CYFIP1: variants seen among roughly 807,000 people sequenced by gnomAD.
The protein encoded by CYFIP1 is cytoplasmic FMR1-interacting protein 1.
Under a neutral mutation model 163.5 loss-of-function variants are expected in CYFIP1, and 58 were observed. The ratio of observed to expected loss-of-function variants is 0.35; its 90% CI spans 0.29 to 0.44. The LOEUF (loss-of-function observed/expected upper bound fraction) is 0.44. CYFIP1 is among the 20% of genes least tolerant of loss of function. The probability of loss-of-function intolerance (pLI) is 1.00; values close to 1 mark genes in which losing one functional copy is unlikely to be tolerated. For missense variants in CYFIP1, 1,338 were observed against 1,653.8 expected (o/e 0.81, Z 3.31); for synonymous variants, 663 against 660.7 (o/e 1.00, Z -0.05).
At chr15:22,893,867 A>C (rs1032541033) in intron 22 of CYFIP1, among the ~76,000 whole-genome samples, 5 of 152,142 alleles carry the variant, frequency 3.3e-5, no homozygotes, top group Non-Finnish European at 7.3e-5. Flanking sequence ...CATCTGCGTG[A>C]GTCCATGTAT....
At position 22,867,059 on chromosome 15, in the gene CYFIP1, T is replaced by TAACA. The variant is rs1180282343; in HGVS notation, c.*2965_*2968dup. The TAACA allele has an allele frequency of 1.1e-5, 6 of 522,242 alleles. No individual in the cohort carries two copies. The highest frequency in any genetic ancestry group is 6.1e-5 in the East Asian group (2 of 32,880). 32.4% of individuals were successfully genotyped at this position (522,242 alleles called of 1,614,324 possible). ...GACCTCAGCACATGACGATTTCTATTAACATTTTATTGTTGTAGAAGTATT... is the reference window on the plus strand; with the variant it reads ...GACCTCAGCACATGACGATTTCTATTAACAAACATTTTATTGTTGTAGAAGTATT... On this transcript the variant is annotated 3_prime_UTR_variant, in exon 31 of 31. Coordinates refer to ENST00000617928, the MANE Select transcript of CYFIP1 (RefSeq NM_014608.6).
Position 22,903,689 on chromosome 15 carries a change from G to A in CYFIP1, c.2588+17C>T, listed in dbSNP as rs1301927541. The A allele has an allele frequency of 2.5e-6, 4 of 1,612,762 alleles. No homozygotes were observed. The East Asian group carries it at 8.9e-5, about 36-fold the overall frequency. On this transcript the variant is annotated intron_variant, in intron 22 of 30. Transcript: ENST00000617928. ...GAGCGCCTCGCCTGTGGGCGCCTGT[G>A]TGGCGGGCACGCTCACCGGTTGGTA... is the stretch of plus-strand genomic sequence containing the variant.
chr15:22,973,311 C>CAAA (rs397761069), intron 1 of CYFIP1, among the ~76,000 whole-genome samples: 8 of 71,770 alleles, frequency 1.1e-4, no homozygotes, highest in Admixed American at 1.9e-4. Flanking sequence ...GAGACCTTGT[C>CAAA]AAAAAAAAAA....
rs115889510 is a variant in CYFIP1, at chr15:22,893,316, G to A, written c.2589-339C>T. ...GGACGGTGGGGCAGCTGCCTGTGAC[G>A]AGAACGGCGACGCCCCGGTGGTTCA... On this transcript the variant is annotated intron_variant, in intron 22 of 30. Transcript: ENST00000617928. 6.6e-5 allele frequency among the ~76,000 whole-genome samples: 10 copies of A among 152,060 alleles called. 1 individual carries two copies. Among genetic ancestry groups the A allele is most frequent in the South Asian group, 4.1e-4 (2 of 4,824 alleles).
chr15:22,883,128 G>A, intron 23 of CYFIP1, 117 bp from the exon 24 acceptor site: 2 of 1,250,592 alleles, frequency 1.6e-6, no homozygotes, highest in Non-Finnish European at 1.1e-6. Context: ...TGAGTCTACT[G>A]ACTTGTAAAA....
chr15:22,879,797 G>C, intron 26 of CYFIP1, 116 bp downstream of exon 26: 1 of 697,718 alleles, frequency 1.4e-6, no homozygotes, highest in East Asian at 2.8e-5. Flanking sequence ...AAAAAATGAT[G>C]CACAGCTGTT....
intron 13 of CYFIP1, among the ~76,000 whole-genome samples, chr15:22,925,392 G>C (rs2061326341): frequency 6.6e-6 from 1 of 152,198 alleles, no homozygotes; most frequent in Non-Finnish European, 1.5e-5. Context: ...AGCCACACAT[G>C]CATTGTCACG....
At chr15:22,933,281 G>A (rs954097959) in intron 10 of CYFIP1, among the ~76,000 whole-genome samples, 1 of 152,002 alleles carries the variant, frequency 6.6e-6, no homozygotes, top group African/African-American at 2.4e-5. Context: ...AAACGTGGCT[G>A]TCGTAAGGAA....
chr15:22,882,414 G>A (rs757534341), intron 24 of CYFIP1, among the ~76,000 whole-genome samples: 10 of 152,222 alleles, frequency 6.6e-5, no homozygotes, highest in Admixed American at 1.3e-4. Flanking sequence ...CGGGCTGATG[G>A]CTGTGCCAAG....
At chr15:22,912,464 C>T (rs549829450) in intron 17 of CYFIP1, 189 bp from the exon 18 acceptor site, 3 of 510,120 alleles carry the variant, frequency 5.9e-6, no homozygotes, top group Admixed American at 7.7e-5. Flanking sequence ...GCCACACCCA[C>T]CAGGCTGCGA....
intron 1 of CYFIP1, among the ~76,000 whole-genome samples, chr15:22,961,535 C>T (rs112024868): frequency 6.6e-6 from 1 of 151,920 alleles, no homozygotes; most frequent in South Asian, 2.1e-4. Flanking sequence ...TGCACCACCA[C>T]GTCTGGCTAA....
intron 9 of CYFIP1, among the ~76,000 whole-genome samples, chr15:22,936,059 G>T (rs1418307900): frequency 6.6e-6 from 1 of 152,098 alleles, no homozygotes; most frequent in East Asian, 1.9e-4. Flanking sequence ...ACTGCTTGAG[G>T]CCAGGAGTTC....
intron 12 of CYFIP1, 77 bp from the exon 13 acceptor site, chr15:22,926,184 T>C: frequency 1.9e-6 from 3 of 1,592,344 alleles, no homozygotes; most frequent in Non-Finnish European, 2.6e-6. Flanking sequence ...CACACGATGG[T>C]GGCCAAAGCC....
intron 1 of CYFIP1, chr15:22,951,308 T>C: frequency 2.6e-6 from 3 of 1,135,814 alleles, no homozygotes; most frequent in Non-Finnish European, 3.3e-6. Context: ...TAGCAGAAAC[T>C]CTCGTCCACT....
rs35027433 is a variant in CYFIP1 at position 22,921,764 on chromosome 15, C to CAA, written c.1360-2908_1360-2907dup. On this transcript the variant is annotated intron_variant, in intron 13 of 30. Transcript: ENST00000617928. The stretch of plus-strand genomic sequence containing the variant: ...CTGGGCAACACGCGAGACTCTGTCT[C>CAA]AAAAAAAAAAAAAAAAAAAAAGAAG... Among the ~76,000 whole-genome samples the CAA allele has an allele frequency of 8.9e-3, 516 of 57,736 alleles. 7 individuals carry two copies. Among genetic ancestry groups the CAA allele is most frequent in the Non-Finnish European group, 0.013 (376 of 28,924 alleles). 37.9% of individuals were successfully genotyped at this position (57,736 alleles called of 152,430 possible). A position where few individuals can be genotyped will look rare whatever the true frequency, so the allele number is the denominator to read the frequency against.
rs145984852 is a variant in CYFIP1, at chr15:22,955,439, G to A, written c.-6-8148C>T. 5.3e-4 allele frequency among the ~76,000 whole-genome samples: 81 copies of A among 152,328 alleles called. No homozygotes were observed. In the East Asian group the frequency reaches 0.012, roughly 22 times the overall value. On this transcript the variant is annotated intron_variant, in intron 1 of 30. Transcript: ENST00000617928. ...AAGTGCGAGTGAGGTGCTGGAGACC[G>A]ATTTAGGCCTGAGGGGCAGGACAGA... is the stretch of plus-strand genomic sequence containing the variant.
chr15:22,943,831 C>T (rs879445539), intron 5 of CYFIP1, among the ~76,000 whole-genome samples: 5 of 152,158 alleles, frequency 3.3e-5, no homozygotes, highest in Admixed American at 3.3e-4. Context: ...AAGCAGCAAG[C>T]CCCTTCCATG....
At chr15:22,941,720 C>A (rs968094349) in intron 6 of CYFIP1, among the ~76,000 whole-genome samples, 2 of 152,086 alleles carry the variant, frequency 1.3e-5, no homozygotes, top group Non-Finnish European at 2.9e-5. Context: ...AGAGGGGAAA[C>A]CCTCCTTCCC....
rs141583765 is a variant in CYFIP1 at position 22,962,559 on chromosome 15, C to T, written c.-6-15268G>A. On this transcript the variant is annotated intron_variant, in intron 1 of 30. Coordinates refer to ENST00000617928, the MANE Select transcript of CYFIP1 (RefSeq NM_014608.6). ...GATTACAGGTGTGCGCCACCATGCC[C>T]GGCTAAATTTTGTTATTTTTTTTTA... is the stretch of plus-strand genomic sequence containing the variant. 2.3e-3 allele frequency among the ~76,000 whole-genome samples: 344 copies of T among 151,898 alleles called. 1 individual carries two copies. Among genetic ancestry groups the T allele is most frequent in the Middle Eastern group, 0.02 (6 of 294 alleles).
Sources: gnomAD v4.1 joint callset for allele counts (sites outside exome capture counted in the v4.1 genomes callset) on GRCh38, gnomAD v4.1.1 for gene constraint, MANE v1.5 for transcripts, NCBI Gene and HGNC (gene_info 2026-07-23, HGNC 2026-07-21) for gene names.